Variants in HBS1L observed in about 807,000 individuals in gnomAD.
HBS1L encodes the protein HBS1 like translational GTPase.
In HBS1L, 55 loss-of-function variants were observed where a neutral mutation model predicts 88.9. The observed-to-expected ratio is 0.62, with a 90% confidence interval of 0.50 to 0.77. The LOEUF is 0.77. Among genes scored for constraint, HBS1L ranks in the 30% least tolerant of loss-of-function variants. HBS1L has a pLI of 0.00. For synonymous variants in HBS1L, 267 were observed against 288.5 expected (o/e 0.93, Z 0.76); for missense variants, 741 against 829.3 (o/e 0.89, Z 1.31).
rs563469168 is a variant in HBS1L at position 135,034,541 on chromosome 6, G to A, written c.430+5032C>T. Among the ~76,000 whole-genome samples the A allele has an allele frequency of 1.5e-3, 224 of 152,314 alleles. 4 individuals carry two copies. The South Asian group carries it at 0.044, about 30-fold the overall frequency. ...CACCTGTAATCCCAGCTACTCGGGG[G>A]GCTGACACAGGAGAATCGCTTGAAC... On this transcript the variant is annotated intron_variant, in intron 4 of 17. Coordinates refer to ENST00000367837, the MANE Select transcript of HBS1L (RefSeq NM_006620.4).
At chr6:135,034,515 G>A (rs920242177) in intron 4 of HBS1L, among the ~76,000 whole-genome samples, 15 of 152,066 alleles carry the variant, frequency 9.9e-5, no homozygotes, top group Non-Finnish European at 1.0e-4. Context: ...GTGGTGACAC[G>A]CACCTGTAAT....
chr6:134,966,845 CTTAT>C (rs1269427540), intron 16 of HBS1L, among the ~76,000 whole-genome samples: 1 of 148,080 alleles, frequency 6.8e-6, no homozygotes, highest in East Asian at 1.9e-4. Context: ...TATACTAAGG[CTTAT>C]TTCTATAAAA....
chr6:135,048,405 C>G (rs537502308), intron 2 of HBS1L, among the ~76,000 whole-genome samples: 19 of 152,308 alleles, frequency 1.2e-4, no homozygotes, highest in African/African-American at 4.6e-4. Flanking sequence ...GGCTGAATCC[C>G]AGCTCTAAGA....
chr6:135,054,554 C>T, intron 1 of HBS1L, 95 bp downstream of exon 1: 3 of 1,435,088 alleles, frequency 2.1e-6, no homozygotes, highest in Non-Finnish European at 2.9e-6. Flanking sequence ...CAGGGCAACA[C>T]TGACGAGAAA....
intron 4 of HBS1L, chr6:135,037,894 T>C (rs941032816): frequency 2.6e-6 from 4 of 1,551,218 alleles, no homozygotes; most frequent in African/African-American, 2.7e-5. Flanking sequence ...TGAAGAATTA[T>C]GAGATAATCC....
chr6:135,037,610 C>G (rs577514496), intron 4 of HBS1L: 52 of 1,547,346 alleles, frequency 3.4e-5, no homozygotes, highest in African/African-American at 5.5e-5. Flanking sequence ...GTCTTTAAAT[C>G]TGGTATTTCT....
intron 5 of HBS1L, among the ~76,000 whole-genome samples, chr6:135,001,035 AC>A (rs1775440305): frequency 6.6e-6 from 1 of 152,176 alleles, no homozygotes; most frequent in Non-Finnish European, 1.5e-5. Context: ...ATAACTACAG[AC>A]CTTTCACATT....
intron 2 of HBS1L, among the ~76,000 whole-genome samples, chr6:135,049,249 T>TCCTA (rs1777006146): frequency 6.6e-6 from 1 of 152,160 alleles, no homozygotes; most frequent in Admixed American, 6.5e-5. Context: ...ACTTGCTGTG[T>TCCTA]CCTAACATGA....
At chr6:135,020,699 T>G (rs1464222450) in intron 4 of HBS1L, among the ~76,000 whole-genome samples, 2 of 152,068 alleles carry the variant, frequency 1.3e-5, no homozygotes, top group Non-Finnish European at 2.9e-5. Flanking sequence ...ATATGTACTA[T>G]AAGTCTTAAA....
rs1242787341 is a variant in HBS1L, at chr6:135,041,530, C to T, written c.235+471G>A. ...AAACTTAATTCACACAGATGTAAATCTTGAAACTTAATTCACACAGATGTA... is the reference window on the plus strand; with the variant it reads ...AAACTTAATTCACACAGATGTAAATTTTGAAACTTAATTCACACAGATGTA... On this transcript the variant is annotated intron_variant, in intron 3 of 17. Transcript: ENST00000367837. Among the ~76,000 whole-genome samples the T allele has an allele frequency of 3.9e-5, 6 of 152,074 alleles. No homozygotes were observed. The East Asian group carries it at 1.2e-3, about 29-fold the overall frequency.
At chr6:135,005,844 T>C (rs1371574965) in intron 4 of HBS1L, among the ~76,000 whole-genome samples, 1 of 152,198 alleles carries the variant, frequency 6.6e-6, no homozygotes. Context: ...ATGGATGCTT[T>C]CTATTTTCTC....
chr6:134,980,540 T>C (rs1365029589), intron 13 of HBS1L, among the ~76,000 whole-genome samples: 2 of 151,950 alleles, frequency 1.3e-5, no homozygotes, highest in East Asian at 1.9e-4. Context: ...ACAATAGAGA[T>C]TGACTTTGGC....
chr6:135,025,602 C>T (rs950685042), intron 4 of HBS1L, among the ~76,000 whole-genome samples: 8 of 152,124 alleles, frequency 5.3e-5, no homozygotes, highest in African/African-American at 1.9e-4. Flanking sequence ...TCACCACACC[C>T]CTCCCATTAT....
chr6:134,974,659 A>C (rs1192156008), intron 15 of HBS1L, among the ~76,000 whole-genome samples: 5 of 152,036 alleles, frequency 3.3e-5, no homozygotes, highest in Admixed American at 2.0e-4. Context: ...GCAAAAAAAA[A>C]ACAGATGATC....
chr6:135,010,828 C>A (rs1420941929), intron 4 of HBS1L, among the ~76,000 whole-genome samples: 1 of 151,860 alleles, frequency 6.6e-6, no homozygotes, highest in Admixed American at 6.6e-5. Flanking sequence ...AGTTGAACTA[C>A]CAGATATCAA....
At chr6:134,965,926 A>G (rs1454405053) in intron 17 of HBS1L, among the ~76,000 whole-genome samples, 1 of 152,230 alleles carries the variant, frequency 6.6e-6, no homozygotes, top group Non-Finnish European at 1.5e-5. Flanking sequence ...AACTAGTTTT[A>G]GGCAGAAAAC....
chr6:134,997,496 G>A lies in HBS1L; in HGVS notation c.700C>T (p.Pro234Ser). The A allele has an allele frequency of 1.2e-6, 2 of 1,614,026 alleles. No individual in the cohort carries two copies. The highest frequency in any genetic ancestry group is 1.7e-6 in the Non-Finnish European group (2 of 1,179,980). ...ASEEQSSTPA[P>S]VKKSGKLRQQ... ...CTCAGCTTGCCAGACTTTTTCACCG[G>A]TGCTGGGGTTGAACTCTGCTCTTCT... The change falls in exon 6 of 18, where the codon CCG becomes TCG. Residue 234 changes from proline to serine, a missense_variant. Transcript: ENST00000367837.
intron 4 of HBS1L, among the ~76,000 whole-genome samples, chr6:135,011,030 T>C (rs374481055): frequency 6.6e-6 from 1 of 152,206 alleles, no homozygotes; most frequent in East Asian, 1.9e-4. Context: ...TTCAAATCAA[T>C]GGGGAAAGGA....
chr6:135,005,294 A>G (rs1424953207), intron 4 of HBS1L, among the ~76,000 whole-genome samples: 1 of 152,236 alleles, frequency 6.6e-6, no homozygotes, highest in East Asian at 1.9e-4. Flanking sequence ...TGTTATTTTA[A>G]TAACTCATTT....
Sources: allele counts gnomAD v4.1 joint callset (sites outside exome capture counted in the v4.1 genomes callset), GRCh38; gene constraint gnomAD v4.1.1; transcripts MANE v1.5; gene names NCBI Gene and HGNC (gene_info 2026-07-23, HGNC 2026-07-21).